LRRC28: variants seen among roughly 807,000 people sequenced by gnomAD.
The protein encoded by LRRC28 is leucine rich repeat containing 28, also known as leucine-rich repeat-containing protein 28.
A neutral mutation model predicts 45.7 loss-of-function variants in LRRC28; 39 were observed. That is an observed-to-expected ratio of 0.85 (90% CI 0.66 to 1.12). The LOEUF (loss-of-function observed/expected upper bound fraction) is 1.12. Ranked by LOEUF, LRRC28 falls within the 50% of genes most tolerant of loss-of-function variation. LRRC28 has a pLI of 0.00. For synonymous variants in LRRC28, 206 were observed against 178.8 expected, an observed-to-expected ratio of 1.15 and a Z score of -1.22; for missense variants, 435 against 438.5, an observed-to-expected ratio of 0.99 and a Z score of 0.07.
chr15:99,285,958 G>A (rs566235012), intron 3 of LRRC28, among the ~76,000 whole-genome samples: 2 of 152,242 alleles, frequency 1.3e-5, no homozygotes, highest in South Asian at 4.1e-4. Context: ...CAGCAGGTTA[G>A]TTAACCTTCT....
In LRRC28 at chr15:99,334,140, G is replaced by C. The variant is rs1567672309; in HGVS notation, c.592+11G>C. On this transcript the variant is annotated intron_variant, in intron 6 of 9. Transcript: ENST00000301981. ...CATTTTTGCCACTTGGTAAGTGATT[G>C]TGTTTAAAGTAAAGCAGCCAAAGAA... is the stretch of plus-strand genomic sequence containing the variant. The C allele has an allele frequency of 6.2e-7, 1 of 1,613,952 alleles. No individual in the cohort carries two copies. The highest frequency in any genetic ancestry group is 2.2e-5 in the East Asian group (1 of 44,884).
rs550856511 is a variant in LRRC28, at chr15:99,265,531, G to C, written c.168+9406G>C. Among the ~76,000 whole-genome samples, 6 of 152,162 alleles carry C rather than the reference G, an allele frequency of 3.9e-5. No individual in the cohort carries two copies. In the South Asian group the frequency reaches 8.3e-4, roughly 21 times the overall value. ...ACGGTCTTAGTGTGCAGGGTGGAGG[G>C]GGCTGAGGTAGAGCCTTACAACCTT... On this transcript the variant is annotated intron_variant, in intron 2 of 9. Transcript: ENST00000301981.
chr15:99,259,931 C>T (rs1297300325), intron 2 of LRRC28: 2 of 685,708 alleles, frequency 2.9e-6, no homozygotes, highest in Non-Finnish European at 5.4e-6. Flanking sequence ...AGACAAAGAG[C>T]AAGACAAAGA....
At chr15:99,259,328 G>T in intron 2 of LRRC28, 2 of 1,372,118 alleles carry the variant, frequency 1.5e-6, no homozygotes, top group Non-Finnish European at 2.1e-6. Flanking sequence ...CACAGAACCT[G>T]TGGTTGAATA....
At chr15:99,288,814 G>T (rs1193964693) in intron 5 of LRRC28, among the ~76,000 whole-genome samples, 1 of 151,682 alleles carries the variant, frequency 6.6e-6, no homozygotes, top group Non-Finnish European at 1.5e-5. Context: ...CAAGTAGCTT[G>T]GACTACAGGC....
chr15:99,313,750 T>C (rs1435332736), intron 5 of LRRC28, among the ~76,000 whole-genome samples: 2 of 152,084 alleles, frequency 1.3e-5, no homozygotes, highest in Non-Finnish European at 2.9e-5. Flanking sequence ...TTGGTTGACA[T>C]TTTTTTTCTT....
chr15:99,333,710 T>A (rs1467257865), intron 5 of LRRC28: 1 of 596,760 alleles, frequency 1.7e-6, no homozygotes, highest in African/African-American at 1.9e-5. Flanking sequence ...AGCCCTTTTC[T>A]CCATTTAAGA....
chr15:99,357,525 A>C (rs1242820260), intron 7 of LRRC28, among the ~76,000 whole-genome samples: 2 of 152,152 alleles, frequency 1.3e-5, no homozygotes, highest in Non-Finnish European at 2.9e-5. Context: ...ACCAGACTAT[A>C]GTGTTAGAAT....
intron 6 of LRRC28, among the ~76,000 whole-genome samples, chr15:99,344,643 G>A (rs946687738): frequency 6.6e-6 from 1 of 152,130 alleles, no homozygotes; most frequent in African/African-American, 2.4e-5. Context: ...GAACCTAATA[G>A]CATTTTTAAA....
intron 7 of LRRC28, among the ~76,000 whole-genome samples, chr15:99,357,655 C>T (rs1957083600): frequency 6.6e-6 from 1 of 152,108 alleles, no homozygotes; most frequent in Admixed American, 6.5e-5. Context: ...GTGAAAATCA[C>T]AGCAATTGTG....
intron 5 of LRRC28, among the ~76,000 whole-genome samples, chr15:99,293,624 A>C (rs938970240): frequency 3.6e-5 from 5 of 138,446 alleles, no homozygotes; most frequent in East Asian, 2.4e-4. Context: ...AAAAAAAAAA[A>C]AAAAAAAAAC....
intron 6 of LRRC28, among the ~76,000 whole-genome samples, chr15:99,341,070 C>T (rs971285355): frequency 4.0e-5 from 6 of 148,204 alleles, no homozygotes; most frequent in Admixed American, 2.7e-4. Flanking sequence ...CTCATCTGAT[C>T]CTATTCTACT....
intron 2 of LRRC28, among the ~76,000 whole-genome samples, chr15:99,271,982 A>G (rs1278276228): frequency 2.0e-5 from 3 of 152,186 alleles, no homozygotes; most frequent in African/African-American, 7.2e-5. Context: ...ATGGAGATTT[A>G]CTCCTATGTT....
chr15:99,311,004 G>C (rs1955386883), intron 5 of LRRC28, among the ~76,000 whole-genome samples: 1 of 152,164 alleles, frequency 6.6e-6, no homozygotes, highest in African/African-American at 2.4e-5. Context: ...AATGCACGTA[G>C]GTCTTGGCCC....
At position 99,387,726 on chromosome 15, in the gene LRRC28, G is replaced by A. The variant is rs1183134989; in HGVS notation, c.*1624G>A. 1 of 152,060 alleles carries A rather than the reference G, an allele frequency of 6.6e-6. No homozygotes were observed. Among genetic ancestry groups the A allele is most frequent in the Non-Finnish European group, 1.5e-5 (1 of 68,016 alleles). The allele number at this position is 152,060 out of a possible 1,614,324, so 9.4% of individuals were successfully genotyped here. A position where few individuals can be genotyped will look rare whatever the true frequency, so the allele number is the denominator to read the frequency against. On this transcript the variant is annotated 3_prime_UTR_variant, in exon 10 of 10. Transcript: ENST00000301981. ...TTTAATGATGTAAGTTTTCTAAAAG[G>A]CAGGGCTGAATGGAGAACCAAGAAT...
chr15:99,386,484 TCCC>T lies in LRRC28; in HGVS notation c.*383_*385del, dbSNP rs1957995428. On this transcript the variant is annotated 3_prime_UTR_variant, in exon 10 of 10. Transcript: ENST00000301981. ...CAGTGATGCTTCCTCTCCTCTCCCC[TCCC>T]TTGCTTTCCCCAGAGAGTTATTTCC... 6.1e-6 allele frequency: 1 copy of T among 164,758 alleles called. No homozygotes were observed. Among genetic ancestry groups the T allele is most frequent in the African/African-American group, 2.4e-5 (1 of 41,810 alleles). The allele number at this position is 164,758 out of a possible 1,614,324, so 10.2% of individuals were successfully genotyped here.
intron 5 of LRRC28, chr15:99,317,324 A>G (rs1955633755): frequency 1.3e-5 from 2 of 152,230 alleles, no homozygotes; most frequent in South Asian, 4.1e-4. Flanking sequence ...GTTCTATGAA[A>G]AAGTGTGCGG....
At chr15:99,275,620 G>T (rs1323603577) in intron 2 of LRRC28, among the ~76,000 whole-genome samples, 2 of 152,194 alleles carry the variant, frequency 1.3e-5, no homozygotes, top group African/African-American at 2.4e-5. Flanking sequence ...AGTTCTTGAG[G>T]CAGGGAGTCC....
intron 2 of LRRC28, among the ~76,000 whole-genome samples, chr15:99,266,277 T>C (rs2081330280): frequency 6.6e-6 from 1 of 152,092 alleles, no homozygotes; most frequent in Non-Finnish European, 1.5e-5. Context: ...GAAAAAAGAA[T>C]ACAGATAGCA....
Sources: allele counts gnomAD v4.1 joint callset (sites outside exome capture counted in the v4.1 genomes callset), GRCh38; gene constraint gnomAD v4.1.1; transcripts MANE v1.5; gene names NCBI Gene and HGNC (gene_info 2026-07-23, HGNC 2026-07-21).